MUSK: variants seen among roughly 807,000 people sequenced by gnomAD.
MUSK encodes the protein muscle, skeletal receptor tyrosine-protein kinase.
In MUSK, 55 loss-of-function variants were observed where a neutral mutation model predicts 88.7. The ratio of observed to expected loss-of-function variants is 0.62; its 90% CI spans 0.50 to 0.78. MUSK has a LOEUF of 0.78. MUSK is among the 30% of genes least tolerant of loss of function. The pLI is 0.00. For synonymous variants in MUSK, 387 were observed against 391.9 expected (o/e 0.99, Z 0.15); for missense variants, 1,015 against 1,074.3 (o/e 0.94, Z 0.77).
At chr9:110,771,652 G>A (rs142144164) in intron 9 of MUSK, among the ~76,000 whole-genome samples, 27 of 152,218 alleles carry the variant, frequency 1.8e-4, no homozygotes, top group Non-Finnish European at 3.7e-4. Flanking sequence ...AGTAGGTAGG[G>A]TCAAGCTCCC....
At chr9:110,675,307 C>T (rs978012727) in intron 1 of MUSK, among the ~76,000 whole-genome samples, 4 of 148,334 alleles carry the variant, frequency 2.7e-5, no homozygotes, top group East Asian at 2.0e-4. Context: ...TTACAAGCTC[C>T]GCCTCCCTGG....
At chr9:110,682,600 C>T in intron 1 of MUSK, 74 bp from the exon 2 acceptor site, 1 of 1,495,442 alleles carries the variant, frequency 6.7e-7, no homozygotes, top group Non-Finnish European at 9.1e-7. Flanking sequence ...TATGTAATGG[C>T]TTCTGACTGC....
At chr9:110,673,219 T>G (rs1215700705) in intron 1 of MUSK, among the ~76,000 whole-genome samples, 1 of 152,216 alleles carries the variant, frequency 6.6e-6, no homozygotes, top group African/African-American at 2.4e-5. Flanking sequence ...CTTATCCATC[T>G]GTGCATAATC....
chr9:110,772,572 A>G (rs535697245), intron 9 of MUSK, among the ~76,000 whole-genome samples: 15 of 152,174 alleles, frequency 9.9e-5, no homozygotes, highest in Admixed American at 5.9e-4. Context: ...GATATATAAT[A>G]ATAAAAATTG....
intron 11 of MUSK, among the ~76,000 whole-genome samples, chr9:110,783,453 G>T (rs2132017945): frequency 6.6e-6 from 1 of 151,936 alleles, no homozygotes; most frequent in Admixed American, 6.5e-5. Context: ...CAAATTTGGG[G>T]ATTAATATGT....
At chr9:110,701,526 G>C (rs958467576) in intron 5 of MUSK, among the ~76,000 whole-genome samples, 1 of 151,732 alleles carries the variant, frequency 6.6e-6, no homozygotes, top group African/African-American at 2.4e-5. Context: ...TCACTCTGTT[G>C]CTCAGGCTGG....
At chr9:110,776,766 T>C in intron 11 of MUSK, 111 bp downstream of exon 11, 1 of 912,860 alleles carries the variant, frequency 1.1e-6, no homozygotes, top group Non-Finnish European at 1.6e-6. Flanking sequence ...ACAGCCGCTC[T>C]CAAAGTCTTC....
rs372194698 is a variant in MUSK, at chr9:110,800,781, G to A, written c.2403G>A (p.Gln801=). The A allele has an allele frequency of 8.7e-6, 14 of 1,613,884 alleles. No individual in the cohort carries two copies. The African/African-American group carries it at 1.6e-4, about 18-fold the overall frequency. ...GGGAGATCTTCTCCTATGGCCTGCA[G>A]CCCTACTATGGGATGGCCCATGAGG... is the stretch of plus-strand genomic sequence containing the variant. ...VLWEIFSYGL[Q]PYYGMAHEEV... The change falls in exon 15 of 15, where the codon CAG becomes CAA. Residue 801 remains glutamine, a synonymous_variant. Transcript: ENST00000374448.
intron 8 of MUSK, among the ~76,000 whole-genome samples, chr9:110,762,885 G>A (rs1217532480): frequency 6.6e-6 from 1 of 152,096 alleles, no homozygotes; most frequent in Non-Finnish European, 1.5e-5. Context: ...GCAAAAATAA[G>A]TTCAAGAGAT....
At chr9:110,790,324 G>C (rs1190082788) in intron 14 of MUSK, among the ~76,000 whole-genome samples, 2 of 152,158 alleles carry the variant, frequency 1.3e-5, no homozygotes, top group African/African-American at 4.8e-5. Context: ...TGGAGAAAAA[G>C]TATAAACAAC....
intron 5 of MUSK, among the ~76,000 whole-genome samples, chr9:110,703,078 T>C (rs1418733328): frequency 6.6e-6 from 1 of 151,946 alleles, no homozygotes; most frequent in African/African-American, 2.4e-5. Context: ...TGAGGATGAG[T>C]TCACAATGCA....
At chr9:110,757,599 T>C (rs2077343393) in intron 7 of MUSK, among the ~76,000 whole-genome samples, 1 of 152,206 alleles carries the variant, frequency 6.6e-6, no homozygotes, top group South Asian at 2.1e-4. Flanking sequence ...TGACTGTCTT[T>C]TTCTGTTCCA....
intron 5 of MUSK, among the ~76,000 whole-genome samples, chr9:110,722,333 C>A (rs2076824398): frequency 6.6e-6 from 1 of 152,040 alleles, no homozygotes; most frequent in Non-Finnish European, 1.5e-5. Flanking sequence ...AGTTGAAGAC[C>A]AGCCTGGCCA....
intron 3 of MUSK, among the ~76,000 whole-genome samples, chr9:110,689,726 A>ATAAATATATATATC (rs2076276416): frequency 2.6e-5 from 2 of 78,180 alleles, no homozygotes; most frequent in African/African-American, 7.4e-5. Context: ...TATGTTATAT[A>ATAAATATATATATC]TAGTTTATAT....
chr9:110,676,590 C>T (rs1214525688), intron 1 of MUSK, among the ~76,000 whole-genome samples: 1 of 151,906 alleles, frequency 6.6e-6, no homozygotes, highest in African/African-American at 2.4e-5. Context: ...TGTGTTGTTC[C>T]CTTCCCTGTG....
chr9:110,785,089 G>T (rs1159051587), intron 12 of MUSK, 73 bp downstream of exon 12: 5 of 1,344,924 alleles, frequency 3.7e-6, no homozygotes, highest in African/African-American at 1.4e-5. Context: ...TTGGTATGAC[G>T]TGAGGAATAT....
intron 5 of MUSK, among the ~76,000 whole-genome samples, chr9:110,700,054 G>T (rs2076482076): frequency 1.3e-5 from 2 of 152,186 alleles, no homozygotes; most frequent in Admixed American, 6.5e-5. Context: ...CAATGGAAAT[G>T]TAAAGGTATC....
Position 110,768,099 on chromosome 9 carries a change from T to C in MUSK, c.1184+16T>C. 1.3e-6 allele frequency: 2 copies of C among 1,580,016 alleles called. No individual in the cohort carries two copies. Among genetic ancestry groups the C allele is most frequent in the South Asian group, 2.3e-5 (2 of 86,958 alleles). The stretch of plus-strand genomic sequence containing the variant: ...CCATTTGCAGGTAAAATCTCAAAAA[T>C]AAGTCAAAGGAAAAATTCCATTTTT... On this transcript the variant is annotated intron_variant, in intron 9 of 14. Transcript: ENST00000374448.
At chr9:110,739,102 T>C (rs1181863463) in intron 6 of MUSK, among the ~76,000 whole-genome samples, 1 of 152,114 alleles carries the variant, frequency 6.6e-6, no homozygotes, top group East Asian at 1.9e-4. Flanking sequence ...TCCTTTAGAT[T>C]TTACAGGTGG....
Sources: allele counts gnomAD v4.1 joint callset (sites outside exome capture counted in the v4.1 genomes callset), GRCh38; gene constraint gnomAD v4.1.1; transcripts MANE v1.5; gene names NCBI Gene and HGNC (gene_info 2026-07-23, HGNC 2026-07-21).